Variants in AGR2 observed in about 807,000 individuals in gnomAD.
AGR2 encodes the protein anterior gradient protein 2 homolog.
In AGR2, 27 loss-of-function variants were observed where a neutral mutation model predicts 25.9. The observed-to-expected ratio is 1.04, with a 90% CI of 0.77 to 1.44. The LOEUF (loss-of-function observed/expected upper bound fraction) is 1.44. AGR2 is among the 40% of genes most tolerant of loss of function. The probability of loss-of-function intolerance (pLI) is 0.00; values close to 1 mark genes in which losing one functional copy is unlikely to be tolerated. For synonymous variants in AGR2, 78 were observed against 72.0 expected, an observed-to-expected ratio of 1.08 and a Z score of -0.42; for missense variants, 182 against 200.9, an observed-to-expected ratio of 0.91 and a Z score of 0.57.
intron 7 of AGR2, chr7:16,794,627 A>G: frequency 1.8e-6 from 1 of 556,346 alleles, no homozygotes; most frequent in Non-Finnish European, 3.1e-6. Flanking sequence ...CAGTTCTGTG[A>G]TAGAAGGAGT....
At chr7:16,801,043 C>A in intron 4 of AGR2, 108 bp downstream of exon 4, 5 of 760,050 alleles carry the variant, frequency 6.6e-6, no homozygotes, top group Non-Finnish European at 1.0e-5. Context: ...ATAAAATATT[C>A]TTTCTTTAAT....
intron 7 of AGR2, 145 bp downstream of exon 7, chr7:16,794,791 T>G (rs1785015643): frequency 6.6e-7 from 1 of 1,517,706 alleles, no homozygotes; most frequent in Admixed American, 2.2e-5. Context: ...TGCCTGAAGA[T>G]GCAAGGCTAG....
intron 5 of AGR2, among the ~76,000 whole-genome samples, chr7:16,798,630 T>C (rs1215730292): frequency 6.6e-6 from 1 of 152,202 alleles, no homozygotes; most frequent in African/African-American, 2.4e-5. Context: ...GTTTATCTTG[T>C]AGACCAGGAG....
In AGR2 at chr7:16,792,897, AT is replaced by A. The variant is rs750452130; in HGVS notation, c.*10del. On this transcript the variant is annotated 3_prime_UTR_variant, in exon 8 of 8. Transcript: ENST00000419304. ...GCCTGACAGACAGAAGGGCTTGGAG[AT>A]TTTTTTTCTTTACAATTCAGTCTTC... is the stretch of plus-strand genomic sequence containing the variant. The A allele has an allele frequency of 2.5e-6, 4 of 1,611,816 alleles. No individual in the cohort carries two copies. Among genetic ancestry groups the A allele is most frequent in the Admixed American group, 1.7e-5 (1 of 59,968 alleles).
Position 16,799,477 on chromosome 7 carries a change from C to T in AGR2, c.330+267G>A, listed in dbSNP as rs576046150. 228 of 388,852 alleles carry T rather than the reference C, an allele frequency of 5.9e-4. 1 individual carries two copies. The highest frequency in any genetic ancestry group is 4.1e-3 in the African/African-American group (204 of 49,192). The allele number at this position is 388,852 out of a possible 1,614,324, so 24.1% of individuals were successfully genotyped here. ...ATAGAGGGACAGGCACAGCAAGTAACAAAAACCTTCCAGCAACAGAAAAAA... is the reference window on the plus strand; with the variant it reads ...ATAGAGGGACAGGCACAGCAAGTAATAAAAACCTTCCAGCAACAGAAAAAA... On this transcript the variant is annotated intron_variant, in intron 5 of 7. Coordinates refer to ENST00000419304, the MANE Select transcript of AGR2 (RefSeq NM_006408.4).
At chr7:16,798,261 G>A (rs914734363) in intron 5 of AGR2, among the ~76,000 whole-genome samples, 15 of 152,158 alleles carry the variant, frequency 9.9e-5, no homozygotes. Flanking sequence ...ATTCCACCCC[G>A]ACTAGGACTT....
chr7:16,795,818 T>A (rs964272932), intron 6 of AGR2, among the ~76,000 whole-genome samples: 1 of 152,196 alleles, frequency 6.6e-6, no homozygotes, highest in Non-Finnish European at 1.5e-5. Flanking sequence ...ACCATCTGCA[T>A]GTTTGCAAAG....
At chr7:16,801,000 A>G (rs1026002043) in intron 4 of AGR2, 151 bp downstream of exon 4, 6 of 587,470 alleles carry the variant, frequency 1.0e-5, no homozygotes, top group African/African-American at 9.3e-5. Flanking sequence ...ATGTGGAGAT[A>G]TTTGAAGTCA....
Position 16,799,767 on chromosome 7 carries a change from G to A in AGR2, c.307C>T (p.Gln103Ter). 1 of 1,613,202 alleles carries A rather than the reference G, an allele frequency of 6.2e-7. No homozygotes were observed. The highest frequency in any genetic ancestry group is 1.1e-5 in the South Asian group (1 of 90,970). The change falls in exon 5 of 8, where the codon CAG becomes TAG. Residue 103 changes from glutamine (Q) to a stop codon, truncating the protein, a stop_gained. Transcript: ENST00000419304. LOFTEE classifies it high-confidence loss of function. ...ACAACCAGATTGAGGAGGACAAACT[G>A]CTCTGCCAATTTCTGGATTTCTTTA... is the stretch of plus-strand genomic sequence containing the variant. ...ENKEIQKLAE[Q>*]FVLLNLVYET...
chr7:16,802,816 C>G (rs1785171547), intron 1 of AGR2, among the ~76,000 whole-genome samples: 1 of 152,112 alleles, frequency 6.6e-6, no homozygotes, highest in African/African-American at 2.4e-5. Flanking sequence ...TATACATACT[C>G]TAGTAGCTAA....
intron 5 of AGR2, among the ~76,000 whole-genome samples, chr7:16,798,902 T>C (rs1785093579): frequency 2.6e-5 from 4 of 152,264 alleles, no homozygotes; most frequent in Admixed American, 2.6e-4. Flanking sequence ...GAGTTTAAGC[T>C]GATTATGAGA....
At chr7:16,797,792 T>A in intron 5 of AGR2, 98 bp from the exon 6 acceptor site, 1 of 889,836 alleles carries the variant, frequency 1.1e-6, no homozygotes, top group Non-Finnish European at 1.8e-6. Flanking sequence ...GCCAGGCATC[T>A]CAAGATATCA....
intron 5 of AGR2, among the ~76,000 whole-genome samples, chr7:16,799,420 G>C (rs534718766): frequency 3.9e-5 from 6 of 152,092 alleles, no homozygotes; most frequent in African/African-American, 7.2e-5. Context: ...GAGATGACCA[G>C]GATTAAGAAT....
chr7:16,800,644 G>T (rs1437769590), intron 4 of AGR2, among the ~76,000 whole-genome samples: 1 of 152,218 alleles, frequency 6.6e-6, no homozygotes, highest in African/African-American at 2.4e-5. Context: ...GTCTAGACAA[G>T]ATCTGATCTG....
At chr7:16,795,079 T>A in intron 6 of AGR2, 60 bp from the exon 7 acceptor site, 1 of 1,578,148 alleles carries the variant, frequency 6.3e-7, no homozygotes, top group Non-Finnish European at 8.7e-7. Context: ...AACCTGTATT[T>A]ATTGCCCCGG....
At chr7:16,798,955 T>C (rs1362102905) in intron 5 of AGR2, among the ~76,000 whole-genome samples, 1 of 152,200 alleles carries the variant, frequency 6.6e-6, no homozygotes, top group Non-Finnish European at 1.5e-5. Context: ...AGTTGTTTCA[T>C]GTTTGGGTAA....
At position 16,801,767 on chromosome 7, in the gene AGR2, C is replaced by A. The variant is rs150660491; in HGVS notation, c.30G>T (p.Leu10Phe). MEKIPVSAF[L>F]LLVALSYTLA... Reference sequence around the variant, plus strand: ...GAGTGTAGGAGAGGGCCACAAGGAGCAAGAATGCTGACACTGGAATTTTCT... The same window carrying A: ...GAGTGTAGGAGAGGGCCACAAGGAGAAAGAATGCTGACACTGGAATTTTCT... The change falls in exon 2 of 8, where the codon TTG (leucine) becomes TTT (phenylalanine). Residue 10 changes from leucine (L) to phenylalanine (F), a missense_variant. Coordinates refer to ENST00000419304, the MANE Select transcript of AGR2 (RefSeq NM_006408.4). 6.2e-7 allele frequency: 1 copy of A among 1,611,246 alleles called. No individual in the cohort carries two copies. Among genetic ancestry groups the A allele is most frequent in the Non-Finnish European group, 8.5e-7 (1 of 1,178,454 alleles).
chr7:16,800,291 G>A (rs539685120), intron 4 of AGR2, among the ~76,000 whole-genome samples: 3 of 152,234 alleles, frequency 2.0e-5, no homozygotes, highest in Non-Finnish European at 2.9e-5. Flanking sequence ...AGGAGCTAAC[G>A]TTGAAGTGAG....
chr7:16,796,196 A>G (rs889347922), intron 6 of AGR2, among the ~76,000 whole-genome samples: 1 of 152,188 alleles, frequency 6.6e-6, no homozygotes, highest in Admixed American at 6.5e-5. Context: ...GGTGGCTACT[A>G]CGGAGCTAGA....
Sources: gnomAD v4.1 joint callset for allele counts (sites outside exome capture counted in the v4.1 genomes callset) on GRCh38, gnomAD v4.1.1 for gene constraint, MANE v1.5 for transcripts, NCBI Gene and HGNC (gene_info 2026-07-23, HGNC 2026-07-21) for gene names.